ITIH2: variants seen among roughly 807,000 people sequenced by gnomAD.
ITIH2 encodes the protein inter-alpha-trypsin inhibitor heavy chain 2.
A neutral mutation model predicts 104.4 loss-of-function variants in ITIH2; 103 were observed. The ratio of observed to expected loss-of-function variants is 0.99; its 90% CI spans 0.84 to 1.16. The LOEUF (loss-of-function observed/expected upper bound fraction) is 1.16, where lower values mean the gene tolerates loss of function less well. Among genes scored for constraint, ITIH2 ranks in the 50% most tolerant of loss-of-function variants. The pLI, the probability that ITIH2 is intolerant of heterozygous loss-of-function variation, is 0.00. For missense variants in ITIH2, 1,108 were observed against 1,162.4 expected (o/e 0.95, Z 0.68); for synonymous variants, 436 against 435.4 (o/e 1.00, Z -0.02).
chr10:7,708,989 A>G (rs1372927900), intron 3 of ITIH2, 33 bp from the exon 4 acceptor site: 3 of 1,576,932 alleles, frequency 1.9e-6, no homozygotes, highest in South Asian at 2.2e-5. Flanking sequence ...TGATTTTTCT[A>G]TCAGTACAGT....
Position 7,721,690 on chromosome 10 carries a change from A to G in ITIH2, c.780A>G (p.Ile260Met). 6.2e-7 allele frequency: 1 copy of G among 1,613,542 alleles called. No individual in the cohort carries two copies. The highest frequency in any genetic ancestry group is 8.5e-7 in the Non-Finnish European group (1 of 1,179,456). The change falls in exon 8 of 21, where the codon ATA (isoleucine) becomes ATG (methionine). Residue 260 changes from isoleucine to methionine, a missense_variant. Ile to Met is a conservative substitution (Grantham distance 10). Coordinates refer to ENST00000358415, the MANE Select transcript of ITIH2 (RefSeq NM_002216.3). ...SFKPTVAQQR[I>M]CPNCRETAVD... is the part of the protein sequence containing the mutation. ...AGCCCACGGTAGCACAGCAGAGAAT[A>G]TGCCCTAACTGCCGGGAGACTGCGG...
At chr10:7,741,310 C>T (rs1295816132) in intron 16 of ITIH2, among the ~76,000 whole-genome samples, 1 of 151,388 alleles carries the variant, frequency 6.6e-6, no homozygotes, top group Non-Finnish European at 1.5e-5. Context: ...TCCAGAGTAG[C>T]TGGGATTACT....
intron 5 of ITIH2, 28 bp from the exon 6 acceptor site, chr10:7,717,598 G>A: frequency 6.2e-7 from 1 of 1,604,736 alleles, no homozygotes. Flanking sequence ...TGTATCTGTT[G>A]ACTTTTGTTG....
At chr10:7,728,561 C>T (rs1834972324) in intron 11 of ITIH2, among the ~76,000 whole-genome samples, 1 of 150,904 alleles carries the variant, frequency 6.6e-6, no homozygotes, top group Non-Finnish European at 1.5e-5. Flanking sequence ...TCTTTTTTTT[C>T]TTTCTTTTTT....
intron 10 of ITIH2, 61 bp from the exon 11 acceptor site, chr10:7,727,642 A>G: frequency 1.3e-6 from 2 of 1,586,568 alleles, no homozygotes; most frequent in South Asian, 2.3e-5. Flanking sequence ...TGAATCCAGA[A>G]TGGGATTTTC....
rs376962514 is a variant in ITIH2 at position 7,720,873 on chromosome 10, C to T, written c.648C>T (p.Ile216=). The stretch of plus-strand genomic sequence containing the variant: ...ATCTCTAGGTAGATGTGTGGGTTAT[C>T]GAACCACAGGGACTGAGATTTCTTC... ...AKHLEVDVWV[I]EPQGLRFLHV... is the part of the protein sequence containing the mutation. Residue 216 remains isoleucine, a synonymous_variant, in exon 7 of 21, where the codon ATC becomes ATT. Transcript: ENST00000358415. 7.5e-6 allele frequency: 12 copies of T among 1,610,208 alleles called. No homozygotes were observed. Among genetic ancestry groups the T allele is most frequent in the East Asian group, 2.2e-5 (1 of 44,852 alleles).
chr10:7,719,123 C>T (rs193035486), intron 6 of ITIH2, among the ~76,000 whole-genome samples: 5 of 152,220 alleles, frequency 3.3e-5, no homozygotes, highest in East Asian at 1.9e-4. Context: ...CCCGGAGACA[C>T]GGGAGATGAA....
chr10:7,721,679 C>A lies in ITIH2; in HGVS notation c.769C>A (p.Gln257Lys), dbSNP rs1204185854. The A allele has an allele frequency of 6.2e-7, 1 of 1,613,788 alleles. No individual in the cohort carries two copies. Among genetic ancestry groups the A allele is most frequent in the East Asian group, 2.2e-5 (1 of 44,852 alleles). The change falls in exon 8 of 21, where the codon CAG becomes AAG. Residue 257 changes from glutamine (Q) to lysine (K), a missense_variant. Coordinates refer to ENST00000358415, the MANE Select transcript of ITIH2 (RefSeq NM_002216.3). ...AHVSFKPTVA[Q>K]QRICPNCRET... ...CGTCTCCTTCAAGCCCACGGTAGCA[C>A]AGCAGAGAATATGCCCTAACTGCCG...
rs760332592 is a variant in ITIH2, at chr10:7,721,778, G to A, written c.867+1G>A. On this transcript the variant is annotated splice_donor_variant, in intron 8 of 20. Transcript: ENST00000358415. LOFTEE classifies it high-confidence loss of function. ...AGAAGAGAAGGCTGGTGAACTGGAG[G>A]TGAGTGCACACCGGCTCTGGTTCTA... is the stretch of plus-strand genomic sequence containing the variant. The A allele has an allele frequency of 3.1e-6, 5 of 1,613,926 alleles. No individual in the cohort carries two copies. Among genetic ancestry groups the A allele is most frequent in the Non-Finnish European group, 4.2e-6 (5 of 1,179,920 alleles).
chr10:7,719,715 C>T (rs1834882868), intron 6 of ITIH2, among the ~76,000 whole-genome samples: 1 of 118,334 alleles, frequency 8.5e-6, no homozygotes, highest in Non-Finnish European at 1.6e-5. Flanking sequence ...TAGCTATGAT[C>T]ATGCCACTGC....
chr10:7,744,390 A>G (rs1835156455), intron 18 of ITIH2, 110 bp downstream of exon 18: 2 of 967,284 alleles, frequency 2.1e-6, no homozygotes, highest in Admixed American at 2.5e-5. Context: ...TTTAAATATA[A>G]GGAAGTTGAG....
At chr10:7,735,214 C>T (rs913741733) in intron 15 of ITIH2, 123 bp downstream of exon 15, 1 of 804,554 alleles carries the variant, frequency 1.2e-6, no homozygotes. Context: ...CCTGGGCCCT[C>T]CTGTGCCCAA....
intron 19 of ITIH2, among the ~76,000 whole-genome samples, chr10:7,745,895 C>T (rs193197411): frequency 6.6e-6 from 1 of 151,152 alleles, no homozygotes; most frequent in East Asian, 2.0e-4. Flanking sequence ...GCTGGGATTA[C>T]AGGCATGCAC....
chr10:7,747,568 A>G (rs187664485), intron 20 of ITIH2, among the ~76,000 whole-genome samples: 15 of 152,140 alleles, frequency 9.9e-5, no homozygotes, highest in Admixed American at 9.8e-4. Context: ...ATTAATGTTA[A>G]TAGTAAGTTA....
chr10:7,741,421 A>T (rs937151353), intron 16 of ITIH2, among the ~76,000 whole-genome samples: 9 of 151,564 alleles, frequency 5.9e-5, no homozygotes, highest in Non-Finnish European at 1.3e-4. Flanking sequence ...CTCGTGATCC[A>T]CCCGCCTCAG....
Position 7,707,188 on chromosome 10 carries a change from C to G in ITIH2, c.160-13C>G, listed in dbSNP as rs372610457. 7 of 1,595,004 alleles carry G rather than the reference C, an allele frequency of 4.4e-6. No individual in the cohort carries two copies. The highest frequency in any genetic ancestry group is 2.7e-5 in the African/African-American group (2 of 74,548). ...ATACAGTTGAAGAATGATTGTCTAA[C>G]TTCCTTTCACAGAGAAGCCTTCCAG... On this transcript the variant is annotated splice_polypyrimidine_tract_variant and intron_variant, in intron 2 of 20. Coordinates refer to ENST00000358415, the MANE Select transcript of ITIH2 (RefSeq NM_002216.3).
intron 14 of ITIH2, among the ~76,000 whole-genome samples, chr10:7,733,970 C>A (rs1477902217): frequency 1.3e-5 from 2 of 151,582 alleles, no homozygotes; most frequent in Non-Finnish European, 2.9e-5. Flanking sequence ...GATGTATTTA[C>A]AGGTATATAG....
chr10:7,736,396 C>T (rs1835055800), intron 15 of ITIH2, among the ~76,000 whole-genome samples: 1 of 152,024 alleles, frequency 6.6e-6, no homozygotes, highest in Non-Finnish European at 1.5e-5. Flanking sequence ...TTATATTATT[C>T]TTTTTTCTAG....
intron 16 of ITIH2, among the ~76,000 whole-genome samples, chr10:7,741,913 C>CTT (rs1435023802): frequency 6.6e-6 from 1 of 152,212 alleles, no homozygotes; most frequent in Non-Finnish European, 1.5e-5. Flanking sequence ...CCTCCTTAGC[C>CTT]TTTTGTCTTT....
Sources: allele counts gnomAD v4.1 joint callset (sites outside exome capture counted in the v4.1 genomes callset), GRCh38; gene constraint gnomAD v4.1.1; transcripts MANE v1.5; gene names NCBI Gene and HGNC (gene_info 2026-07-23, HGNC 2026-07-21).